Variants in TAGLN3 observed in about 807,000 individuals in gnomAD.
TAGLN3 encodes transgelin-3.
Under a neutral mutation model 25.4 loss-of-function variants are expected in TAGLN3, and 12 were observed. The ratio of observed to expected loss-of-function variants is 0.47; its 90% CI spans 0.30 to 0.77. The LOEUF is 0.77. TAGLN3 is among the 30% of genes least tolerant of loss of function. The pLI is 0.06. For missense variants in TAGLN3, 218 were observed against 255.8 expected, an observed-to-expected ratio of 0.85 and a Z score of 1.01; for synonymous variants, 96 against 94.8, an observed-to-expected ratio of 1.01 and a Z score of -0.08.
At chr3:112,005,980 T>C (rs1220589294) in intron 3 of TAGLN3, among the ~76,000 whole-genome samples, 4 of 151,330 alleles carry the variant, frequency 2.6e-5, no homozygotes, top group African/African-American at 4.9e-5. Flanking sequence ...AGGATGGTCT[T>C]GATCTCCTGA....
chr3:112,011,040 T>G (rs2072970153), intron 3 of TAGLN3, among the ~76,000 whole-genome samples: 1 of 152,228 alleles, frequency 6.6e-6, no homozygotes, highest in African/African-American at 2.4e-5. Flanking sequence ...CCTATGCTTT[T>G]TAGCTTTTGT....
intron 4 of TAGLN3, among the ~76,000 whole-genome samples, chr3:112,012,610 A>G (rs1020808008): frequency 2.0e-5 from 3 of 151,408 alleles, no homozygotes; most frequent in African/African-American, 7.3e-5. Context: ...CTTCTCCTTG[A>G]CAGTTATTAA....
intron 3 of TAGLN3, among the ~76,000 whole-genome samples, chr3:112,004,914 C>T (rs1393183018): frequency 6.6e-6 from 1 of 152,078 alleles, no homozygotes; most frequent in Admixed American, 6.6e-5. Context: ...GGAGCTTGTA[C>T]CTCATCAGAT....
intron 3 of TAGLN3, among the ~76,000 whole-genome samples, chr3:112,001,435 C>G (rs1472372975): frequency 6.6e-6 from 1 of 152,222 alleles, no homozygotes; most frequent in African/African-American, 2.4e-5. Flanking sequence ...ATGCATTCTG[C>G]TCAGTGTGAC....
rs148981688 is a variant in TAGLN3, at chr3:112,011,373, C to T, written c.356-390C>T. 3.9e-5 allele frequency among the ~76,000 whole-genome samples: 6 copies of T among 152,302 alleles called. No homozygotes were observed. The East Asian group carries it at 1.2e-3, about 29-fold the overall frequency. On this transcript the variant is annotated intron_variant, in intron 3 of 4. Coordinates refer to ENST00000478951, the MANE Select transcript of TAGLN3 (RefSeq NM_001008272.2). Reference sequence around the variant, plus strand: ...GTTTTCAAGCGGCACAAAATAAAGGCCCTATCACTTGTGTCACATTGAGTG... The same window carrying T: ...GTTTTCAAGCGGCACAAAATAAAGGTCCTATCACTTGTGTCACATTGAGTG...
intron 3 of TAGLN3, among the ~76,000 whole-genome samples, chr3:112,005,831 C>G (rs905839763): frequency 6.6e-6 from 1 of 151,176 alleles, no homozygotes; most frequent in Non-Finnish European, 1.5e-5. Flanking sequence ...TCCTGAGTAG[C>G]TGGGACTTAC....
intron 2 of TAGLN3, 120 bp downstream of exon 2, chr3:111,999,722 A>G: frequency 7.7e-7 from 1 of 1,297,636 alleles, no homozygotes; most frequent in South Asian, 1.5e-5. Context: ...TCTCACCGGG[A>G]GGGGATGAGA....
At position 112,000,805 on chromosome 3, in the gene TAGLN3, C is replaced by A; in HGVS notation, c.214C>A (p.Pro72Thr). The change falls in exon 3 of 5, where the codon CCA becomes ACA. Residue 72 changes from proline to threonine, a missense_variant. Transcript: ENST00000478951. ...CAAGCTGATAAATAGTTTATACCCA[C>A]CAGGACAAGAGCCCATACCCAAGAT... ...LCKLINSLYP[P>T]GQEPIPKISE... 6.2e-7 allele frequency: 1 copy of A among 1,614,150 alleles called. No homozygotes were observed. The highest frequency in any genetic ancestry group is 8.5e-7 in the Non-Finnish European group (1 of 1,180,018).
At chr3:112,010,738 G>A (rs1443387694) in intron 3 of TAGLN3, among the ~76,000 whole-genome samples, 2 of 152,238 alleles carry the variant, frequency 1.3e-5, no homozygotes, top group Non-Finnish European at 2.9e-5. Context: ...GTTAACATGG[G>A]AGGTGGGGGT....
Position 112,013,771 on chromosome 3 carries a change from G to C in TAGLN3, c.*220G>C, listed in dbSNP as rs2107726898. Reference sequence around the variant, plus strand: ...AAAGACTCCGCTTCCGTTTTCCTGAGCTCCTCGGGCCCCAGAGTCTCTGTT... The same window carrying C: ...AAAGACTCCGCTTCCGTTTTCCTGACCTCCTCGGGCCCCAGAGTCTCTGTT... On this transcript the variant is annotated 3_prime_UTR_variant, in exon 5 of 5. Coordinates refer to ENST00000478951, the MANE Select transcript of TAGLN3 (RefSeq NM_001008272.2). 1 of 637,328 alleles carries C rather than the reference G, an allele frequency of 1.6e-6. No homozygotes were observed. The highest frequency in any genetic ancestry group is 2.9e-5 in the East Asian group (1 of 34,218). The allele number at this position is 637,328 out of a possible 1,614,324, so 39.5% of individuals were successfully genotyped here.
intron 3 of TAGLN3, among the ~76,000 whole-genome samples, chr3:112,008,341 G>T (rs1255731883): frequency 6.6e-6 from 1 of 151,948 alleles, no homozygotes; most frequent in South Asian, 2.1e-4. Context: ...TAGAGACAGG[G>T]GTTCCCTCTG....
chr3:111,999,798 G>T (rs777572780), intron 2 of TAGLN3, among the ~76,000 whole-genome samples, 196 bp downstream of exon 2: 1 of 152,184 alleles, frequency 6.6e-6, no homozygotes, highest in African/African-American at 2.4e-5. Flanking sequence ...TAGCTTGGGG[G>T]TTCTCCACTC....
intron 3 of TAGLN3, among the ~76,000 whole-genome samples, chr3:112,005,753 T>G (rs56239678): frequency 0.31 from 43,553 of 142,688 alleles, 7,673 homozygotes; most frequent in Non-Finnish European, 0.4. Flanking sequence ...AGGCTGGAGT[T>G]CAGTGGCCTG....
chr3:111,999,673 G>T lies in TAGLN3; in HGVS notation c.180+71G>T. 7 of 1,550,614 alleles carry T rather than the reference G, an allele frequency of 4.5e-6. No individual in the cohort carries two copies. In the East Asian group the frequency reaches 6.8e-5, roughly 15 times the overall value. ...ACCCTCCAGGGCCCTTTCTTTTAAC[G>T]TAAGGCTGCGGGAAGAGCTGCTGTT... is the stretch of plus-strand genomic sequence containing the variant. On this transcript the variant is annotated intron_variant, in intron 2 of 4. Coordinates refer to ENST00000478951, the MANE Select transcript of TAGLN3 (RefSeq NM_001008272.2).
In TAGLN3 at chr3:112,008,717, G is replaced by A. The variant is rs563134969; in HGVS notation, c.356-3046G>A. Reference sequence around the variant, plus strand: ...GTCAGTCCAAGAGTGCTGGAATTAGGAAACATAACAAGAATAACATAACAA... The same window carrying A: ...GTCAGTCCAAGAGTGCTGGAATTAGAAAACATAACAAGAATAACATAACAA... On this transcript the variant is annotated intron_variant, in intron 3 of 4. Coordinates refer to ENST00000478951, the MANE Select transcript of TAGLN3 (RefSeq NM_001008272.2). Among the ~76,000 whole-genome samples the A allele has an allele frequency of 2.0e-5, 3 of 152,256 alleles. No individual in the cohort carries two copies. In the South Asian group the frequency reaches 6.2e-4, roughly 32 times the overall value.
At chr3:112,007,557 C>T (rs945151230) in intron 3 of TAGLN3, among the ~76,000 whole-genome samples, 1 of 152,154 alleles carries the variant, frequency 6.6e-6, no homozygotes, top group African/African-American at 2.4e-5. Context: ...TTTTTGCTAT[C>T]CCTCCATCCA....
intron 3 of TAGLN3, among the ~76,000 whole-genome samples, chr3:112,003,605 A>G (rs1357566840): frequency 1.3e-5 from 2 of 152,166 alleles, no homozygotes. Context: ...CATTCTCCCT[A>G]CTATTCTCTA....
chr3:112,004,649 A>G (rs2072897529), intron 3 of TAGLN3, among the ~76,000 whole-genome samples: 1 of 152,234 alleles, frequency 6.6e-6, no homozygotes, highest in Admixed American at 6.5e-5. Flanking sequence ...TGGAAAGTAA[A>G]CAAGATAGTT....
At chr3:112,006,787 A>G (rs2072921437) in intron 3 of TAGLN3, among the ~76,000 whole-genome samples, 2 of 152,214 alleles carry the variant, frequency 1.3e-5, no homozygotes, top group African/African-American at 4.8e-5. Context: ...TACATAAGAT[A>G]CCTTGGAAGT....
Sources: allele counts gnomAD v4.1 joint callset (sites outside exome capture counted in the v4.1 genomes callset), GRCh38; gene constraint gnomAD v4.1.1; transcripts MANE v1.5; gene names NCBI Gene and HGNC (gene_info 2026-07-23, HGNC 2026-07-21).